The following CDYL2 variants were observed in gnomAD, a reference collection of about 807,000 sequenced individuals.
The protein encoded by CDYL2 is chromodomain Y-like protein 2.
Under a neutral mutation model 49.4 loss-of-function variants are expected in CDYL2, and 23 were observed. The observed-to-expected ratio is 0.47, with a 90% CI of 0.34 to 0.66. The LOEUF is 0.66. Among genes scored for constraint, CDYL2 ranks in the 30% least tolerant of loss-of-function variants. CDYL2 has a pLI of 0.01. For missense variants in CDYL2, 678 were observed against 656.4 expected (o/e 1.03, Z -0.36); for synonymous variants, 360 against 268.8 (o/e 1.34, Z -3.32).
At chr16:80,651,262 A>AT (rs1567556162) in intron 2 of CDYL2, among the ~76,000 whole-genome samples, 1 of 152,178 alleles carries the variant, frequency 6.6e-6, no homozygotes, top group Non-Finnish European at 1.5e-5. Context: ...ATTAAAAATA[A>AT]TTTTTTAAAA....
At position 80,647,648 on chromosome 16, in the gene CDYL2, A is replaced by G. The variant is rs553755900; in HGVS notation, c.617-14412T>C. 1.1e-4 allele frequency among the ~76,000 whole-genome samples: 17 copies of G among 152,310 alleles called. No individual in the cohort carries two copies. In the South Asian group the frequency reaches 3.5e-3, roughly 32 times the overall value. On this transcript the variant is annotated intron_variant, in intron 2 of 6. Coordinates refer to ENST00000570137, the MANE Select transcript of CDYL2 (RefSeq NM_152342.4). ...GACAGATCTTCCAGACAGAAAATCA[A>G]CAAAGAAATATTGGACTTCATCTGC...
At chr16:80,607,705 C>T (rs1483906537) in intron 6 of CDYL2, among the ~76,000 whole-genome samples, 3 of 152,246 alleles carry the variant, frequency 2.0e-5, no homozygotes, top group African/African-American at 7.2e-5. Flanking sequence ...ATGGTGTGTA[C>T]AGCTTTCTCT....
At chr16:80,794,467 G>C (rs1271708442) in intron 1 of CDYL2, among the ~76,000 whole-genome samples, 1 of 152,070 alleles carries the variant, frequency 6.6e-6, no homozygotes. Flanking sequence ...GCCATATTCT[G>C]AGGTATGCTC....
chr16:80,631,395 C>A (rs534621936), intron 3 of CDYL2, among the ~76,000 whole-genome samples: 1 of 152,148 alleles, frequency 6.6e-6, no homozygotes, highest in East Asian at 1.9e-4. Flanking sequence ...ACCTTTGTGC[C>A]GTCAAGAATC....
intron 1 of CDYL2, chr16:80,735,164 G>C (rs949774183): frequency 6.6e-6 from 1 of 152,230 alleles, no homozygotes; most frequent in African/African-American, 2.4e-5. Flanking sequence ...CAGAAAAAGA[G>C]ATTCCAATTA....
At chr16:80,765,869 T>A (rs1597122887) in intron 1 of CDYL2, among the ~76,000 whole-genome samples, 1 of 89,204 alleles carries the variant, frequency 1.1e-5, no homozygotes, top group East Asian at 3.8e-4. Flanking sequence ...TGCAAGACCC[T>A]CATCTACAAA....
intron 4 of CDYL2, among the ~76,000 whole-genome samples, chr16:80,614,904 T>C (rs1392745880): frequency 6.6e-6 from 1 of 151,822 alleles, no homozygotes; most frequent in African/African-American, 2.4e-5. Flanking sequence ...TGAGCTGATT[T>C]ATCTCTTCTC....
At chr16:80,715,816 T>A (rs536312264) in intron 1 of CDYL2, among the ~76,000 whole-genome samples, 1 of 152,182 alleles carries the variant, frequency 6.6e-6, no homozygotes. Context: ...TATGGAATCA[T>A]CCATGGCCCC....
chr16:80,678,529 C>T (rs1909846508), intron 2 of CDYL2, among the ~76,000 whole-genome samples: 1 of 152,030 alleles, frequency 6.6e-6, no homozygotes, highest in Non-Finnish European at 1.5e-5. Context: ...CACCACTGGC[C>T]ATCAGAGAAA....
At chr16:80,695,454 A>G (rs1910582058) in intron 1 of CDYL2, among the ~76,000 whole-genome samples, 2 of 152,244 alleles carry the variant, frequency 1.3e-5, no homozygotes, top group Non-Finnish European at 1.5e-5. Context: ...AAGATAAAGA[A>G]TGACTGAATG....
intron 4 of CDYL2, among the ~76,000 whole-genome samples, chr16:80,616,924 C>CAT (rs1168533861): frequency 1.3e-5 from 2 of 152,214 alleles, no homozygotes; most frequent in African/African-American, 4.8e-5. Flanking sequence ...AGATCCATGA[C>CAT]ATACCCAAAG....
chr16:80,711,792 C>T (rs890142959), intron 1 of CDYL2, among the ~76,000 whole-genome samples: 2 of 152,072 alleles, frequency 1.3e-5, no homozygotes, highest in African/African-American at 4.8e-5. Flanking sequence ...ACACTCCTGC[C>T]ACCTGTACTC....
intron 1 of CDYL2, among the ~76,000 whole-genome samples, chr16:80,730,397 A>G (rs1026534451): frequency 2.6e-5 from 4 of 152,056 alleles, no homozygotes; most frequent in Non-Finnish European, 2.9e-5. Context: ...CCAAGACTAA[A>G]CCAGGAAGAA....
At chr16:80,727,997 G>A (rs970789755) in intron 1 of CDYL2, among the ~76,000 whole-genome samples, 3 of 152,124 alleles carry the variant, frequency 2.0e-5, no homozygotes, top group Non-Finnish European at 4.4e-5. Flanking sequence ...ACAAAGGTGG[G>A]AAAAAAACAG....
At chr16:80,630,705 C>T (rs893050300) in intron 3 of CDYL2, among the ~76,000 whole-genome samples, 1 of 152,130 alleles carries the variant, frequency 6.6e-6, no homozygotes, top group Non-Finnish European at 1.5e-5. Context: ...ACAACCACTA[C>T]CCCACAACCC....
At chr16:80,714,926 G>A (rs540305306) in intron 1 of CDYL2, among the ~76,000 whole-genome samples, 1 of 152,180 alleles carries the variant, frequency 6.6e-6, no homozygotes, top group South Asian at 2.1e-4. Context: ...GTTTCCATCT[G>A]TCCCCCCAAG....
chr16:80,760,381 C>CA (rs1244323825), intron 1 of CDYL2, among the ~76,000 whole-genome samples: 2 of 151,236 alleles, frequency 1.3e-5, no homozygotes, highest in Non-Finnish European at 2.9e-5. Context: ...TTAATGAGTA[C>CA]AAAAAAAATA....
intron 2 of CDYL2, among the ~76,000 whole-genome samples, chr16:80,646,724 G>C (rs1255819375): frequency 6.6e-6 from 1 of 152,082 alleles, no homozygotes; most frequent in East Asian, 1.9e-4. Context: ...GGGAGTCAGA[G>C]GTTGCAGTGA....
intron 2 of CDYL2, among the ~76,000 whole-genome samples, chr16:80,677,088 A>G (rs1252373016): frequency 1.4e-5 from 2 of 147,532 alleles, no homozygotes; most frequent in Non-Finnish European, 3.0e-5. Context: ...CTCCCACCTC[A>G]GCTCCCTGGA....
Sources: allele counts gnomAD v4.1 joint callset (sites outside exome capture counted in the v4.1 genomes callset), GRCh38; gene constraint gnomAD v4.1.1; transcripts MANE v1.5; gene names NCBI Gene and HGNC (gene_info 2026-07-23, HGNC 2026-07-21).